SLC35B4: variants seen among roughly 807,000 people sequenced by gnomAD.
SLC35B4 encodes nucleotide sugar transporter SLC35B4.
A neutral mutation model predicts 39.5 loss-of-function variants in SLC35B4; 28 were observed. The ratio of observed to expected loss-of-function variants is 0.71; its 90% CI spans 0.53 to 0.97. The LOEUF is 0.97. Ranked by LOEUF, SLC35B4 falls within the 50% of genes least tolerant of loss-of-function variation. SLC35B4 has a pLI of 0.00. For synonymous variants in SLC35B4, 145 were observed against 150.4 expected (o/e 0.96, Z 0.26); for missense variants, 334 against 414.3 (o/e 0.81, Z 1.68).
At chr7:134,308,220 C>T (rs995473857) in intron 2 of SLC35B4, among the ~76,000 whole-genome samples, 4 of 151,918 alleles carry the variant, frequency 2.6e-5, no homozygotes, top group African/African-American at 4.8e-5. Flanking sequence ...CAGAGTGGGG[C>T]GACATGATAA....
At chr7:134,305,273 A>G (rs1803679764) in intron 3 of SLC35B4, among the ~76,000 whole-genome samples, 2 of 152,186 alleles carry the variant, frequency 1.3e-5, no homozygotes, top group Non-Finnish European at 2.9e-5. Context: ...CAGTGAGCCA[A>G]GATCGCGCCA....
At chr7:134,310,991 T>C (rs1026531657) in intron 1 of SLC35B4, among the ~76,000 whole-genome samples, 2 of 152,216 alleles carry the variant, frequency 1.3e-5, no homozygotes. Flanking sequence ...TGCCAAGATA[T>C]ACAAGTCCTT....
At chr7:134,302,842 G>A (rs781116274) in intron 4 of SLC35B4, among the ~76,000 whole-genome samples, 3 of 152,110 alleles carry the variant, frequency 2.0e-5, no homozygotes, top group Admixed American at 6.5e-5. Flanking sequence ...CCTGGTCACA[G>A]TACCTCATAA....
intron 8 of SLC35B4, among the ~76,000 whole-genome samples, chr7:134,297,061 C>T (rs1264203453): frequency 2.0e-5 from 3 of 152,222 alleles, no homozygotes; most frequent in African/African-American, 7.2e-5. Context: ...GCTGGGACTA[C>T]AGGCACACAC....
intron 1 of SLC35B4, among the ~76,000 whole-genome samples, chr7:134,313,036 A>G (rs1024011962): frequency 1.3e-5 from 2 of 152,222 alleles, no homozygotes; most frequent in African/African-American, 4.8e-5. Context: ...TAGAATTTAA[A>G]AATCTCCCTA....
chr7:134,311,032 A>C (rs950944828), intron 1 of SLC35B4, among the ~76,000 whole-genome samples: 5 of 152,236 alleles, frequency 3.3e-5, no homozygotes, highest in African/African-American at 1.2e-4. Context: ...AAAATAAGAC[A>C]ATACAGGCAT....
intron 2 of SLC35B4, among the ~76,000 whole-genome samples, chr7:134,308,182 G>A (rs999425054): frequency 6.6e-6 from 1 of 152,290 alleles, no homozygotes; most frequent in Middle Eastern, 3.4e-3. Flanking sequence ...GGGGAGTCTG[G>A]ACATCATTCA....
chr7:134,317,627 AC>A (rs1316057124), upstream of SLC35B4, among the ~76,000 whole-genome samples: 2 of 152,200 alleles, frequency 1.3e-5, no homozygotes, highest in African/African-American at 4.8e-5. Flanking sequence ...AGGCTCTTCT[AC>A]TGGCAAAAAT....
At chr7:134,297,977 T>C (rs1803503840) in intron 8 of SLC35B4, among the ~76,000 whole-genome samples, 1 of 152,214 alleles carries the variant, frequency 6.6e-6, no homozygotes, top group Admixed American at 6.5e-5. Flanking sequence ...TGAAAGAGAA[T>C]ACAGACATAG....
Position 134,316,843 on chromosome 7 carries a change from C to A in SLC35B4, c.-92G>T. The A allele has an allele frequency of 1.5e-6, 2 of 1,296,204 alleles. 1 individual carries two copies. Among genetic ancestry groups the A allele is most frequent in the South Asian group, 2.6e-5 (2 of 77,206 alleles). 80.3% of individuals were successfully genotyped at this position (1,296,204 alleles called of 1,614,324 possible). A position where few individuals can be genotyped will look rare whatever the true frequency, so the allele number is the denominator to read the frequency against. On this transcript the variant is annotated 5_prime_UTR_variant, in exon 1 of 10. Transcript: ENST00000378509. ...GCCGGCCTCCTGCCTCTTCGCTGCG[C>A]AGCACATCGCACCGTCCTGGAAAGC...
chr7:134,313,578 C>T (rs1207665839), intron 1 of SLC35B4, among the ~76,000 whole-genome samples: 3 of 152,176 alleles, frequency 2.0e-5, no homozygotes, highest in African/African-American at 4.8e-5. Flanking sequence ...CTGTCCACTG[C>T]ATTGTGTTTT....
At position 134,313,541 on chromosome 7, in the gene SLC35B4, G is replaced by C. The variant is rs550679445; in HGVS notation, c.77+3134C>G. ...AAGCTCCCTAAGGAGGAATATCAAG[G>C]CACTCGTCCATTACTACCTATCTGC... On this transcript the variant is annotated intron_variant, in intron 1 of 9. Coordinates refer to ENST00000378509, the MANE Select transcript of SLC35B4 (RefSeq NM_032826.5). Among the ~76,000 whole-genome samples the C allele has an allele frequency of 1.7e-4, 26 of 152,272 alleles. 1 individual carries two copies. The South Asian group carries it at 5.2e-3, about 30-fold the overall frequency.
chr7:134,305,360 C>A (rs1057126828), intron 3 of SLC35B4, among the ~76,000 whole-genome samples: 1 of 147,078 alleles, frequency 6.8e-6, no homozygotes, highest in African/African-American at 2.6e-5. Flanking sequence ...ATTTAAAAAA[C>A]CTTTTAAAGA....
At chr7:134,311,239 T>C (rs1376605594) in intron 1 of SLC35B4, among the ~76,000 whole-genome samples, 1 of 152,226 alleles carries the variant, frequency 6.6e-6, no homozygotes, top group Non-Finnish European at 1.5e-5. Flanking sequence ...ATTTACCTCA[T>C]TCAAGGACCT....
rs998418699 is a variant in SLC35B4, at chr7:134,299,692, T to C, written c.598-94A>G. Reference sequence around the variant, plus strand: ...AATGATTAAAAGTCGTACAGGTTGTTTGACAGCAATACAAAGAAAAGCAAG... The same window carrying C: ...AATGATTAAAAGTCGTACAGGTTGTCTGACAGCAATACAAAGAAAAGCAAG... On this transcript the variant is annotated intron_variant, in intron 7 of 9. Coordinates refer to ENST00000378509, the MANE Select transcript of SLC35B4 (RefSeq NM_032826.5). 1.7e-5 allele frequency: 18 copies of C among 1,064,576 alleles called. No homozygotes were observed. In the Admixed American group the frequency reaches 2.5e-4, roughly 15 times the overall value. The allele number at this position is 1,064,576 out of a possible 1,614,324, so 65.9% of individuals were successfully genotyped here. A position where few individuals can be genotyped will look rare whatever the true frequency, so the allele number is the denominator to read the frequency against.
At chr7:134,296,851 A>G (rs1803480038) in intron 8 of SLC35B4, among the ~76,000 whole-genome samples, 1 of 152,264 alleles carries the variant, frequency 6.6e-6, no homozygotes, top group South Asian at 2.1e-4. Context: ...GTTCAATCAC[A>G]CTAGTAATTA....
chr7:134,309,865 G>A (rs891997702), intron 1 of SLC35B4, among the ~76,000 whole-genome samples: 1 of 152,132 alleles, frequency 6.6e-6, no homozygotes, highest in African/African-American at 2.4e-5. Flanking sequence ...CAAAGCCCAG[G>A]GACAGAAATA....
At position 134,291,403 on chromosome 7, in the gene SLC35B4, A is replaced by G. The variant is rs1803327261; in HGVS notation, c.*3430T>C. On this transcript the variant is annotated 3_prime_UTR_variant, in exon 10 of 10. Transcript: ENST00000378509. Reference sequence around the variant, plus strand: ...CCAAAGAAGAGAGGCATAAACAGATACAAGATGATAAGTCTTTCTTAGCAG... The same window carrying G: ...CCAAAGAAGAGAGGCATAAACAGATGCAAGATGATAAGTCTTTCTTAGCAG... 1 of 152,242 alleles carries G rather than the reference A, an allele frequency of 6.6e-6. No individual in the cohort carries two copies. Among genetic ancestry groups the G allele is most frequent in the Admixed American group, 6.5e-5 (1 of 15,286 alleles). 9.4% of individuals were successfully genotyped at this position (152,242 alleles called of 1,614,324 possible).
intron 1 of SLC35B4, among the ~76,000 whole-genome samples, chr7:134,312,233 C>A (rs992442778): frequency 6.6e-6 from 1 of 151,990 alleles, no homozygotes; most frequent in Non-Finnish European, 1.5e-5. Context: ...ATTTCACTGT[C>A]GTAGTGAGTA....
Sources: gnomAD v4.1 joint callset for allele counts (sites outside exome capture counted in the v4.1 genomes callset) on GRCh38, gnomAD v4.1.1 for gene constraint, MANE v1.5 for transcripts, NCBI Gene and HGNC (gene_info 2026-07-23, HGNC 2026-07-21) for gene names.